GALNT15: variants seen among roughly 807,000 people sequenced by gnomAD.
GALNT15 encodes polypeptide N-acetylgalactosaminyltransferase 15.
GALNT15 carries 67 observed loss-of-function variants against 66.8 expected under a neutral mutation model. The observed-to-expected ratio is 1.00, with a 90% CI of 0.82 to 1.23. The LOEUF (loss-of-function observed/expected upper bound fraction) is 1.23, where lower values mean the gene tolerates loss of function less well. Ranked by LOEUF, GALNT15 falls within the 50% of genes most tolerant of loss-of-function variation. The pLI is 0.00. For synonymous variants in GALNT15, 313 were observed against 311.5 expected, an observed-to-expected ratio of 1.00 and a Z score of -0.05; for missense variants, 827 against 804.3, an observed-to-expected ratio of 1.03 and a Z score of -0.34.
At chr3:16,240,197 T>C in the GALNT15 span, among the ~76,000 whole-genome samples, 1 of 152,266 alleles carries the variant, frequency 6.6e-6, no homozygotes, top group African/African-American at 2.4e-5. Context: ...CTGGATGATA[T>C]GTTCATGATT....
chr3:16,178,138 T>C (rs1381873505), intron 1 of GALNT15, among the ~76,000 whole-genome samples: 1 of 152,178 alleles, frequency 6.6e-6, no homozygotes, highest in Admixed American at 6.5e-5. Flanking sequence ...ATGTTATACA[T>C]GTGAGGTGTG....
rs2063789611 is a variant in GALNT15 at position 16,209,455 on chromosome 3, G to C, written c.1079+785G>C. Among the ~76,000 whole-genome samples the C allele has an allele frequency of 6.6e-6, 1 of 152,104 alleles. No individual in the cohort carries two copies. Among genetic ancestry groups the C allele is most frequent in the Non-Finnish European group, 1.5e-5 (1 of 68,016 alleles). On this transcript the variant is annotated intron_variant, in intron 4 of 9. Transcript: ENST00000339732. The surrounding 1 kb of genome is among the most constrained non-coding windows in gnomAD (Gnocchi z 4.1). Reference sequence around the variant, plus strand: ...CTGCTATGCTATATTTTAAATACAAGGCCACAGTTCATTATTCACAATTGC... The same window carrying C: ...CTGCTATGCTATATTTTAAATACAACGCCACAGTTCATTATTCACAATTGC...
downstream of GALNT15, among the ~76,000 whole-genome samples, chr3:16,232,502 ATATATATATTTATTT>A (rs2064094419): frequency 3.4e-5 from 3 of 87,380 alleles, no homozygotes; most frequent in African/African-American, 1.0e-4. Context: ...ATATATATAT[ATATATATATTTATTT>A]AAAAGAGACA....
In GALNT15 at chr3:16,209,111, C is replaced by A. The variant is rs756973830; in HGVS notation, c.1079+441C>A. Among the ~76,000 whole-genome samples the A allele has an allele frequency of 1.3e-5, 2 of 152,144 alleles. No homozygotes were observed. The highest frequency in any genetic ancestry group is 4.8e-5 in the African/African-American group (2 of 41,430). ...ATTCAACCAGGTGAATGCTAAGAAC[C>A]ATAGGTCTCAAATATATCCTATTGT... On this transcript the variant is annotated intron_variant, in intron 4 of 9. Coordinates refer to ENST00000339732, the MANE Select transcript of GALNT15 (RefSeq NM_054110.5). The surrounding 1 kb of genome is among the most constrained non-coding windows in gnomAD (Gnocchi z 4.1).
chr3:16,183,048 G>C lies in GALNT15; in HGVS notation c.539+7358G>C, dbSNP rs149237762. 6.6e-6 allele frequency: 1 copy of C among 152,186 alleles called. No homozygotes were observed. The highest frequency in any genetic ancestry group is 1.5e-5 in the Non-Finnish European group (1 of 68,064). 9.4% of individuals were successfully genotyped at this position (152,186 alleles called of 1,614,324 possible). A position where few individuals can be genotyped will look rare whatever the true frequency, so the allele number is the denominator to read the frequency against. ...GCTCCAAGATGCTTCATAGGCCTCC[G>C]GTCAGTGTTCAGACCAGTGACTCCC... On this transcript the variant is annotated intron_variant, in intron 1 of 9. Coordinates refer to ENST00000339732, the MANE Select transcript of GALNT15 (RefSeq NM_054110.5). The surrounding 1 kb of genome is among the most constrained non-coding windows in gnomAD (Gnocchi z 5.2).
chr3:16,196,028 T>C, intron 2 of GALNT15, 102 bp downstream of exon 2: 1 of 1,186,196 alleles, frequency 8.4e-7, no homozygotes, highest in Non-Finnish European at 1.2e-6. Flanking sequence ...TTAGGCAAGA[T>C]TCCCCAACTA....
chr3:16,176,739 C>A lies in GALNT15; in HGVS notation c.539+1049C>A, dbSNP rs1574965738. Among the ~76,000 whole-genome samples the A allele has an allele frequency of 1.3e-5, 2 of 152,280 alleles. No homozygotes were observed. The highest frequency in any genetic ancestry group is 4.2e-4 in the South Asian group (2 of 4,816). ...CTATAGGCCATTGCTCCTCCCAGAG[C>A]CTGGAGAGTTTCCTGGAAAGCAAAC... On this transcript the variant is annotated intron_variant, in intron 1 of 9. Transcript: ENST00000339732. The surrounding 1 kb of genome is among the most constrained non-coding windows in gnomAD (Gnocchi z 5.6).
Position 16,191,149 on chromosome 3 carries a change from G to A in GALNT15, c.540-4611G>A, listed in dbSNP as rs1245782349. Among the ~76,000 whole-genome samples the A allele has an allele frequency of 6.6e-6, 1 of 152,212 alleles. No individual in the cohort carries two copies. The highest frequency in any genetic ancestry group is 1.5e-5 in the Non-Finnish European group (1 of 68,046). Reference sequence around the variant, plus strand: ...CTTCTCTCTCACTATGAGGAGAGAAGTTACATCTGTTCATAAAACCCCAAA... The same window carrying A: ...CTTCTCTCTCACTATGAGGAGAGAAATTACATCTGTTCATAAAACCCCAAA... On this transcript the variant is annotated intron_variant, in intron 1 of 9. Transcript: ENST00000339732. This position sits in a 1 kb window ranked among gnomAD's most constrained non-coding sequence, Gnocchi z 5.2.
chr3:16,177,653 A>G (rs2063424685), intron 1 of GALNT15, among the ~76,000 whole-genome samples: 1 of 152,208 alleles, frequency 6.6e-6, no homozygotes, highest in Non-Finnish European at 1.5e-5. Context: ...TGGTTCATAT[A>G]TGTATTGTGT....
Position 16,227,758 on chromosome 3 carries a change from G to C in GALNT15, c.*258G>C. The C allele has an allele frequency of 7.9e-7, 1 of 1,260,170 alleles. No homozygotes were observed. Among genetic ancestry groups the C allele is most frequent in the Non-Finnish European group, 1.0e-6 (1 of 1,002,822 alleles). 78.1% of individuals were successfully genotyped at this position (1,260,170 alleles called of 1,614,324 possible). A position where few individuals can be genotyped will look rare whatever the true frequency, so the allele number is the denominator to read the frequency against. On this transcript the variant is annotated 3_prime_UTR_variant, in exon 10 of 10. Transcript: ENST00000339732. The surrounding 1 kb of genome is among the most constrained non-coding windows in gnomAD (Gnocchi z 4.5). ...ATCACTGGGAAATGATTATTACATA[G>C]TACAGAAGATTCTTTGTTTTTCTCC... is the stretch of plus-strand genomic sequence containing the variant.
At chr3:16,208,879 A>G (rs2063784822) in intron 4 of GALNT15, among the ~76,000 whole-genome samples, 1 of 152,216 alleles carries the variant, frequency 6.6e-6, no homozygotes, top group South Asian at 2.1e-4. Flanking sequence ...GAATGAACTA[A>G]TATGTGAAAA....
chr3:16,229,587 A>G lies in GALNT15; in HGVS notation c.*2087A>G. ...AATCCTGAGACTGAGACGGAGCTACAAATTCTCAGATGGCGACCGTGTAAA... is the reference window on the plus strand; with the variant it reads ...AATCCTGAGACTGAGACGGAGCTACGAATTCTCAGATGGCGACCGTGTAAA... On this transcript the variant is annotated 3_prime_UTR_variant, in exon 10 of 10. Transcript: ENST00000339732. 1.0e-6 allele frequency: 1 copy of G among 985,452 alleles called. No homozygotes were observed. The highest frequency in any genetic ancestry group is 1.2e-6 in the Non-Finnish European group (1 of 829,932). 61.0% of individuals were successfully genotyped at this position (985,452 alleles called of 1,614,324 possible).
At chr3:16,240,763 A>G in the GALNT15 span, among the ~76,000 whole-genome samples, 1 of 152,196 alleles carries the variant, frequency 6.6e-6, no homozygotes, top group South Asian at 2.1e-4. Flanking sequence ...CGAGTAATCA[A>G]CCTAAAGCAC....
chr3:16,177,019 T>C (rs11914369), intron 1 of GALNT15, among the ~76,000 whole-genome samples: 4,403 of 152,308 alleles, frequency 0.029, 213 homozygotes, highest in African/African-American at 0.1. Context: ...CACCCCATTC[T>C]AGTTTTGTGC....
the GALNT15 span, among the ~76,000 whole-genome samples, chr3:16,239,372 C>T: frequency 6.6e-6 from 1 of 152,138 alleles, no homozygotes; most frequent in Non-Finnish European, 1.5e-5. This position sits in a 1 kb window ranked among gnomAD's most constrained non-coding sequence, Gnocchi z 5.2. Flanking sequence ...TTTGAGATGC[C>T]TCCTCTCTCA....
In GALNT15 at chr3:16,212,584, G is replaced by A. The variant is rs2063828251; in HGVS notation, c.1213G>A (p.Gly405Ser). ...ELSFKAWLCG[G>S]SVEILPCSRV... Reference sequence around the variant, plus strand: ...TTCGTGGCAGGCCTGGCTCTGTGGTGGCTCTGTTGAAATCCTTCCCTGCTC... The same window carrying A: ...TTCGTGGCAGGCCTGGCTCTGTGGTAGCTCTGTTGAAATCCTTCCCTGCTC... Residue 405 changes from glycine to serine, a missense_variant, in exon 6 of 10, where the codon GGC becomes AGC. Coordinates refer to ENST00000339732, the MANE Select transcript of GALNT15 (RefSeq NM_054110.5). The A allele has an allele frequency of 6.2e-7, 1 of 1,613,526 alleles. No homozygotes were observed. Among genetic ancestry groups the A allele is most frequent in the Admixed American group, 1.7e-5 (1 of 59,990 alleles).
rs115629043 is a variant in GALNT15 at position 16,176,427 on chromosome 3, G to A, written c.539+737G>A. Among the ~76,000 whole-genome samples, 251 of 152,326 alleles carry A rather than the reference G, an allele frequency of 1.6e-3. 1 individual carries two copies. The highest frequency in any genetic ancestry group is 5.6e-3 in the African/African-American group (233 of 41,578). On this transcript the variant is annotated intron_variant, in intron 1 of 9. Coordinates refer to ENST00000339732, the MANE Select transcript of GALNT15 (RefSeq NM_054110.5). The surrounding 1 kb of genome is among the most constrained non-coding windows in gnomAD (Gnocchi z 5.6). Reference sequence around the variant, plus strand: ...CAGTCTGCCTGACCCACCACTCCATGCCACCTGCCTTGGGCCACTAGACTA... The same window carrying A: ...CAGTCTGCCTGACCCACCACTCCATACCACCTGCCTTGGGCCACTAGACTA...
chr3:16,197,848 T>C (rs934380342), intron 2 of GALNT15, among the ~76,000 whole-genome samples: 1 of 152,180 alleles, frequency 6.6e-6, no homozygotes, highest in African/African-American at 2.4e-5. Flanking sequence ...CACTCAGACA[T>C]GGGTGCTCTT....
chr3:16,246,662 A>G, the GALNT15 span, among the ~76,000 whole-genome samples: 2 of 152,164 alleles, frequency 1.3e-5, no homozygotes, highest in Non-Finnish European at 2.9e-5. Context: ...GAAACATGTT[A>G]TCTTGTTCAT....
Sources: gnomAD v4.1 joint callset for allele counts (sites outside exome capture counted in the v4.1 genomes callset) on GRCh38, gnomAD v4.1.1 for gene constraint, Gnocchi (gnomAD v3.1) non-coding constraint, MANE v1.5 for transcripts, NCBI Gene and HGNC (gene_info 2026-07-23, HGNC 2026-07-21) for gene names.